The following VCPIP1 variants were observed in gnomAD, a reference collection of about 807,000 sequenced individuals.
VCPIP1 encodes deubiquitinating protein VCPIP1.
VCPIP1 carries 8 observed loss-of-function variants against 85.0 expected under a neutral mutation model. The observed-to-expected ratio is 0.09, with a 90% confidence interval of 0.06 to 0.17. VCPIP1 has a LOEUF of 0.17. Ranked by LOEUF, VCPIP1 falls within the 10% of genes least tolerant of loss-of-function variation. The pLI is 1.00. For synonymous variants in VCPIP1, 543 were observed against 544.5 expected (o/e 1.00, Z 0.04); for missense variants, 1,070 against 1,486.3 (o/e 0.72, Z 4.61).
chr8:66,645,904 C>T (rs1047056579), intron 2 of VCPIP1, among the ~76,000 whole-genome samples: 1 of 151,974 alleles, frequency 6.6e-6, no homozygotes, highest in Non-Finnish European at 1.5e-5. Flanking sequence ...CACTCCAACC[C>T]GGGTAACAAA....
At chr8:66,639,779 C>T (rs910030420) in intron 2 of VCPIP1, among the ~76,000 whole-genome samples, 5 of 152,064 alleles carry the variant, frequency 3.3e-5, no homozygotes, top group African/African-American at 1.2e-4. Flanking sequence ...GTTATGTATG[C>T]TCCTTTCCTG....
In VCPIP1 at chr8:66,666,620, GTTC is replaced by G. The variant is rs1426308972; in HGVS notation, c.336_338del (p.Lys112del). The stretch of plus-strand genomic sequence containing the variant: ...GGCCCATCACCTTTACCAGTTCCGT[GTTC>G]TTCTTGGGTGCCCCCGTAACCCCGA... On this transcript the variant is annotated inframe_deletion, in exon 1 of 3. Transcript: ENST00000310421. The surrounding 1 kb of genome is among the most constrained non-coding windows in gnomAD (Gnocchi z 6.3). The G allele has an allele frequency of 1.9e-6, 3 of 1,614,060 alleles. No individual in the cohort carries two copies. Among genetic ancestry groups the G allele is most frequent in the Non-Finnish European group, 1.7e-6 (2 of 1,180,044 alleles).
rs745549563 is a variant in VCPIP1 at position 66,666,444 on chromosome 8, G to A, written c.515C>T (p.Pro172Leu). 1 of 1,614,048 alleles carries A rather than the reference G, an allele frequency of 6.2e-7. No individual in the cohort carries two copies. The highest frequency in any genetic ancestry group is 8.5e-7 in the Non-Finnish European group (1 of 1,180,040). The part of the protein sequence containing the change: ...LLGDRAFLIE[P>L]EHVNTVGYGK... ...ATAGCCCACAGTGTTAACATGCTCT[G>A]GTTCTATGAGGAAGGCGCGGTCACC... Residue 172 changes from proline (P) to leucine (L), a missense_variant, in exon 1 of 3, where the codon CCA (proline) becomes CTA (leucine). Physicochemically the swap from Pro to Leu is moderately conservative, Grantham distance 98 (BLOSUM62 -3). Around this residue, in one of 8 missense-constraint regions of VCPIP1, gnomAD observed 118 missense variants for 337.1 expected, o/e 0.35. Coordinates refer to ENST00000310421, the MANE Select transcript of VCPIP1 (RefSeq NM_025054.5). This position sits in a 1 kb window ranked among gnomAD's most constrained non-coding sequence, Gnocchi z 6.3.
intron 2 of VCPIP1, among the ~76,000 whole-genome samples, chr8:66,648,240 T>C (rs183955306): frequency 6.6e-6 from 1 of 152,218 alleles, no homozygotes; most frequent in Non-Finnish European, 1.5e-5. Flanking sequence ...CTCAAAAGCA[T>C]ATTAAAACAA....
At chr8:66,646,658 T>C (rs1409009967) in intron 2 of VCPIP1, among the ~76,000 whole-genome samples, 1 of 151,906 alleles carries the variant, frequency 6.6e-6, no homozygotes, top group Non-Finnish European at 1.5e-5. Context: ...TAGCCAGGTG[T>C]GGTGGTGTAC....
Position 66,664,696 on chromosome 8 carries a change from G to C in VCPIP1, c.2263C>G (p.Pro755Ala). The C allele has an allele frequency of 6.2e-7, 1 of 1,613,772 alleles. No individual in the cohort carries two copies. Among genetic ancestry groups the C allele is most frequent in the Middle Eastern group, 1.7e-4 (1 of 6,050 alleles). ...GTAGGTGTAGCAGGTGCAGAGGATG[G>C]ACCATCACGAATGGTACTGGGAGAA... ...TVSPSTIRDG[P>A]SSAPATPTKA... Residue 755 changes from proline (P) to alanine (A), a missense_variant, in exon 1 of 3, where the codon CCA (proline) becomes GCA (alanine). Physicochemically the swap from Pro to Ala is conservative, Grantham distance 27. Transcript: ENST00000310421.
At chr8:66,641,039 C>T (rs1810942394) in intron 2 of VCPIP1, among the ~76,000 whole-genome samples, 1 of 152,222 alleles carries the variant, frequency 6.6e-6, no homozygotes, top group African/African-American at 2.4e-5. Context: ...CTGGGGGCCA[C>T]AGGTACCCCC....
chr8:66,652,098 G>GGGGA (rs958431932), intron 1 of VCPIP1, among the ~76,000 whole-genome samples: 3 of 152,148 alleles, frequency 2.0e-5, no homozygotes, highest in Non-Finnish European at 4.4e-5. Flanking sequence ...GAGTGGCTGG[G>GGGGA]GGGAACCCCT....
chr8:66,655,592 C>A (rs1586627784), intron 1 of VCPIP1, among the ~76,000 whole-genome samples: 2 of 152,158 alleles, frequency 1.3e-5, no homozygotes. Flanking sequence ...GATAACCATT[C>A]TTCAATGTTA....
intron 2 of VCPIP1, among the ~76,000 whole-genome samples, chr8:66,638,562 G>A (rs1200735636): frequency 1.3e-5 from 2 of 151,148 alleles, no homozygotes; most frequent in African/African-American, 2.4e-5. Flanking sequence ...GGTGGATCAC[G>A]AGGTCAGCAG....
intron 2 of VCPIP1, among the ~76,000 whole-genome samples, chr8:66,637,148 G>A (rs1364027102): frequency 6.6e-6 from 1 of 151,936 alleles, no homozygotes; most frequent in African/African-American, 2.4e-5. Flanking sequence ...CTAGGAGTTT[G>A]ATACCAGCTG....
chr8:66,666,769 C>T lies in VCPIP1; in HGVS notation c.190G>A (p.Gly64Ser). Reference protein sequence around the residue: ...CQARLFFPASGSVSIECTECG... With the variant: ...CQARLFFPASSSVSIECTECG... ...TCGGTACACTCGATGCTGACAGAAC[C>T]GGAGGCCGGGAAAAATAGACGCGCC... is the stretch of plus-strand genomic sequence containing the variant. Residue 64 changes from glycine to serine, a missense_variant, in exon 1 of 3, where the codon GGT (glycine) becomes AGT (serine). Transcript: ENST00000310421. The surrounding 1 kb of genome is among the most constrained non-coding windows in gnomAD (Gnocchi z 6.3). 6.2e-7 allele frequency: 1 copy of T among 1,613,606 alleles called. No individual in the cohort carries two copies. Among genetic ancestry groups the T allele is most frequent in the Non-Finnish European group, 8.5e-7 (1 of 1,179,624 alleles).
At chr8:66,652,010 C>CA (rs113576250) in intron 1 of VCPIP1, among the ~76,000 whole-genome samples, 9,885 of 73,484 alleles carry the variant, frequency 0.13, 767 homozygotes, top group African/African-American at 0.28. Flanking sequence ...TCTATCTCTA[C>CA]AAAAAAAAAA....
At chr8:66,637,372 AC>A (rs1285114961) in intron 2 of VCPIP1, among the ~76,000 whole-genome samples, 1 of 151,638 alleles carries the variant, frequency 6.6e-6, no homozygotes, top group African/African-American at 2.4e-5. Context: ...CAAAAAACAA[AC>A]ACCCCAATTT....
rs760996068 is a variant in VCPIP1 at position 66,665,424 on chromosome 8, A to G, written c.1535T>C (p.Leu512Ser). The change falls in exon 1 of 3, where the codon TTG (leucine) becomes TCG (serine). Residue 512 changes from leucine (L) to serine (S), a missense_variant. Around this residue, in one of 8 missense-constraint regions of VCPIP1, gnomAD observed 123 missense variants for 156.3 expected, o/e 0.79. Transcript: ENST00000310421. The surrounding 1 kb of genome is among the most constrained non-coding windows in gnomAD (Gnocchi z 4.3). ...ATCATATGAGCAAACCAAATTGTTC[A>G]AGGGAAAGCTGTAATTTTTGTCAGT... ...LRTDKNYSFP[L>S]NNLVCSYDSV... The G allele has an allele frequency of 3.1e-6, 5 of 1,614,128 alleles. No homozygotes were observed. Among genetic ancestry groups the G allele is most frequent in the Non-Finnish European group, 4.2e-6 (5 of 1,180,058 alleles).
intron 1 of VCPIP1, among the ~76,000 whole-genome samples, chr8:66,655,678 A>G (rs1309055232): frequency 6.6e-6 from 1 of 151,940 alleles, no homozygotes; most frequent in Non-Finnish European, 1.5e-5. Flanking sequence ...AGAATCTAAT[A>G]AAACAAAATA....
chr8:66,664,911 T>C lies in VCPIP1; in HGVS notation c.2048A>G (p.Glu683Gly), dbSNP rs754593050. The C allele has an allele frequency of 6.2e-7, 1 of 1,614,102 alleles. No homozygotes were observed. Among genetic ancestry groups the C allele is most frequent in the Non-Finnish European group, 8.5e-7 (1 of 1,180,048 alleles). ...TTTAGTTGGGAGCTGAGACTCTGATTCTTGTCCTTGAACATCTCCAACTCT... is the reference window on the plus strand; with the variant it reads ...TTTAGTTGGGAGCTGAGACTCTGATCCTTGTCCTTGAACATCTCCAACTCT... The part of the protein sequence containing the change: ...AQRVGDVQGQ[E>G]SESQLPTKII... The change falls in exon 1 of 3, where the codon GAA becomes GGA. Residue 683 changes from glutamate (E) to glycine (G), a missense_variant. Around this residue, in one of 8 missense-constraint regions of VCPIP1, gnomAD observed 278 missense variants for 298.5 expected, o/e 0.93. Coordinates refer to ENST00000310421, the MANE Select transcript of VCPIP1 (RefSeq NM_025054.5).
chr8:66,650,418 C>T (rs888004138), intron 2 of VCPIP1, among the ~76,000 whole-genome samples: 21 of 152,158 alleles, frequency 1.4e-4, no homozygotes, highest in African/African-American at 3.9e-4. Flanking sequence ...TAAGCCAGAA[C>T]GGTAAATCTG....
In VCPIP1 at chr8:66,633,485, C is replaced by T. The variant is rs1810853468; in HGVS notation, c.*1016G>A. The T allele has an allele frequency of 6.6e-6, 1 of 151,772 alleles. No individual in the cohort carries two copies. The highest frequency in any genetic ancestry group is 2.1e-4 in the South Asian group (1 of 4,800). The allele number at this position is 151,772 out of a possible 1,614,324, so 9.4% of individuals were successfully genotyped here. On this transcript the variant is annotated 3_prime_UTR_variant, in exon 3 of 3. Transcript: ENST00000310421. ...TTGATGAATACACTAAGCAAATACC[C>T]AGCTGATCAGGGTGTGATGCAGTAA...
Sources: gnomAD v4.1 joint callset for allele counts (sites outside exome capture counted in the v4.1 genomes callset) on GRCh38, gnomAD v4.1.1 for gene constraint, gnomAD v4.1.1 regional missense constraint, Gnocchi (gnomAD v3.1) non-coding constraint, MANE v1.5 for transcripts, NCBI Gene and HGNC (gene_info 2026-07-23, HGNC 2026-07-21) for gene names.